SORCS3: variants seen among roughly 807,000 people sequenced by gnomAD.
SORCS3 encodes sortilin related VPS10 domain containing receptor 3, also known as VPS10 domain-containing receptor SorCS3.
Under a neutral mutation model 146.3 loss-of-function variants are expected in SORCS3, and 57 were observed. That is an observed-to-expected ratio of 0.39 (90% CI 0.31 to 0.49). The LOEUF is 0.49. Among genes scored for constraint, SORCS3 ranks in the 20% least tolerant of loss-of-function variants. The probability of loss-of-function intolerance (pLI) is 0.92; values close to 1 mark genes in which losing one functional copy is unlikely to be tolerated. For synonymous variants in SORCS3, 653 were observed against 618.5 expected (o/e 1.06, Z -0.83); for missense variants, 1,341 against 1,575.5 (o/e 0.85, Z 2.52).
intron 1 of SORCS3, among the ~76,000 whole-genome samples, chr10:104,782,101 G>A (rs768203871): frequency 1.3e-5 from 2 of 152,234 alleles, no homozygotes; most frequent in African/African-American, 4.8e-5. Context: ...ATAACTTGGA[G>A]CAGGATCATG....
At chr10:104,923,768 C>T (rs748129473) in intron 3 of SORCS3, among the ~76,000 whole-genome samples, 7 of 152,198 alleles carry the variant, frequency 4.6e-5, no homozygotes, top group Admixed American at 3.3e-4. Flanking sequence ...CTTTCTTTTT[C>T]TCTTCGTAAC....
At chr10:105,225,416 T>C (rs2056728598) in intron 20 of SORCS3, among the ~76,000 whole-genome samples, 1 of 152,022 alleles carries the variant, frequency 6.6e-6, no homozygotes, top group African/African-American at 2.4e-5. Flanking sequence ...ATTTCTGGGC[T>C]ATTTATTTGG....
At chr10:105,226,356 T>C (rs2056733922) in intron 20 of SORCS3, among the ~76,000 whole-genome samples, 1 of 152,084 alleles carries the variant, frequency 6.6e-6, no homozygotes, top group Admixed American at 6.6e-5. Flanking sequence ...ATGTACCACA[T>C]TTATTGGCTT....
At chr10:104,773,387 G>A (rs1188243861) in intron 1 of SORCS3, among the ~76,000 whole-genome samples, 2 of 152,188 alleles carry the variant, frequency 1.3e-5, no homozygotes, top group Non-Finnish European at 2.9e-5. Context: ...TTTTAGAGCT[G>A]ATTGATAAAT....
At chr10:104,788,929 C>T (rs1366282511) in intron 1 of SORCS3, among the ~76,000 whole-genome samples, 1 of 152,180 alleles carries the variant, frequency 6.6e-6, no homozygotes, top group Non-Finnish European at 1.5e-5. Flanking sequence ...TTACACCACA[C>T]CGATTTGTTA....
At chr10:105,091,795 T>A (rs1297742997) in intron 6 of SORCS3, among the ~76,000 whole-genome samples, 3 of 152,032 alleles carry the variant, frequency 2.0e-5, no homozygotes, top group African/African-American at 7.2e-5. Context: ...GGGAGAAGAA[T>A]GAGATGTAGG....
intron 7 of SORCS3, among the ~76,000 whole-genome samples, chr10:105,136,916 C>T (rs909174198): frequency 1.3e-5 from 2 of 152,164 alleles, no homozygotes; most frequent in African/African-American, 4.8e-5. Context: ...TTTACTCAAG[C>T]ACAAACTTTC....
intron 20 of SORCS3, among the ~76,000 whole-genome samples, chr10:105,243,302 G>A (rs1299892765): frequency 6.6e-6 from 1 of 151,912 alleles, no homozygotes; most frequent in Non-Finnish European, 1.5e-5. Flanking sequence ...AGATAAAGAA[G>A]TAAAGGCCAG....
chr10:104,986,049 A>G (rs1036147541), intron 4 of SORCS3, among the ~76,000 whole-genome samples: 2 of 152,216 alleles, frequency 1.3e-5, no homozygotes, highest in African/African-American at 4.8e-5. Flanking sequence ...CTTTGAAGCC[A>G]GGCATTGACT....
Position 105,211,254 on chromosome 10 carries a change from A to G in SORCS3, c.2375+4A>G, listed in dbSNP as rs771308216. On this transcript the variant is annotated splice_donor_region_variant and intron_variant, in intron 17 of 26. Coordinates refer to ENST00000369701, the MANE Select transcript of SORCS3 (RefSeq NM_014978.3). ...AAAGCTACCTTAACAGCACTGGGTA[A>G]GTAAAACACCTACAGGAACTCAGCT... is the stretch of plus-strand genomic sequence containing the variant. The G allele has an allele frequency of 6.2e-7, 1 of 1,600,442 alleles. No homozygotes were observed. Among genetic ancestry groups the G allele is most frequent in the Non-Finnish European group, 8.6e-7 (1 of 1,167,598 alleles).
At chr10:104,805,076 T>G (rs1232033647) in intron 1 of SORCS3, among the ~76,000 whole-genome samples, 1 of 152,180 alleles carries the variant, frequency 6.6e-6, no homozygotes, top group Non-Finnish European at 1.5e-5. Flanking sequence ...TCACACATAA[T>G]GAACACCCAT....
intron 7 of SORCS3, among the ~76,000 whole-genome samples, chr10:105,105,897 G>A (rs2055817198): frequency 6.6e-6 from 1 of 152,078 alleles, no homozygotes; most frequent in African/African-American, 2.4e-5. Context: ...AGCATCTTTA[G>A]GATTCTTTTT....
intron 5 of SORCS3, among the ~76,000 whole-genome samples, chr10:105,077,187 A>T (rs1422829969): frequency 2.0e-5 from 3 of 152,148 alleles, no homozygotes; most frequent in Admixed American, 2.0e-4. Flanking sequence ...ATATAAACTT[A>T]TGTGTTTTTA....
intron 1 of SORCS3, among the ~76,000 whole-genome samples, chr10:104,671,971 G>A (rs565862969): frequency 9.2e-5 from 14 of 152,232 alleles, no homozygotes; most frequent in Admixed American, 5.9e-4. Context: ...TGGTATCAGG[G>A]TAATTAATGC....
chr10:105,011,105 T>C (rs770789060), intron 4 of SORCS3, among the ~76,000 whole-genome samples: 1 of 152,174 alleles, frequency 6.6e-6, no homozygotes, highest in African/African-American at 2.4e-5. Context: ...CGGACTGCTG[T>C]TGTTCTTTAG....
At chr10:104,912,709 ATGGTGCAAGACAC>A (rs1803153771) in intron 2 of SORCS3, among the ~76,000 whole-genome samples, 1 of 152,220 alleles carries the variant, frequency 6.6e-6, no homozygotes. Context: ...TGTACCAGGC[ATGGTGCAAGACAC>A]TGGAGCTGTT....
intron 1 of SORCS3, among the ~76,000 whole-genome samples, chr10:104,809,285 G>A (rs955052594): frequency 6.6e-6 from 1 of 152,134 alleles, no homozygotes; most frequent in Non-Finnish European, 1.5e-5. Context: ...GTCTTGGTTG[G>A]GATTCCTCAT....
chr10:105,008,765 G>A (rs1232811122), intron 4 of SORCS3, among the ~76,000 whole-genome samples: 1 of 152,186 alleles, frequency 6.6e-6, no homozygotes, highest in Non-Finnish European at 1.5e-5. Flanking sequence ...TCCTGCCTCA[G>A]CCTCCTGAGT....
intron 3 of SORCS3, among the ~76,000 whole-genome samples, chr10:104,940,238 A>ATATATATATATATATTTTT (rs1435205868): frequency 3.2e-5 from 1 of 31,522 alleles, no homozygotes; most frequent in Non-Finnish European, 6.1e-5. Flanking sequence ...ATATATATAT[A>ATATATATATATATATTTTT]TTTTTTTTTT....
Sources: gnomAD v4.1 joint callset for allele counts (sites outside exome capture counted in the v4.1 genomes callset) on GRCh38, gnomAD v4.1.1 for gene constraint, MANE v1.5 for transcripts, NCBI Gene and HGNC (gene_info 2026-07-23, HGNC 2026-07-21) for gene names.